DCC: variants seen among roughly 807,000 people sequenced by gnomAD.
DCC encodes netrin receptor DCC.
A neutral mutation model predicts 172.5 loss-of-function variants in DCC; 58 were observed. That is an observed-to-expected ratio of 0.34 (90% CI 0.27 to 0.42). The LOEUF (loss-of-function observed/expected upper bound fraction) is 0.42. Ranked by LOEUF, DCC falls within the 10% of genes least tolerant of loss-of-function variation. The pLI is 1.00. For synonymous variants in DCC, 709 were observed against 644.5 expected, an observed-to-expected ratio of 1.10 and a Z score of -1.52; for missense variants, 1,740 against 1,791.0, an observed-to-expected ratio of 0.97 and a Z score of 0.51.
chr18:53,339,206 G>A (rs542518127), intron 14 of DCC, among the ~76,000 whole-genome samples: 1 of 152,290 alleles, frequency 6.6e-6, no homozygotes, highest in African/African-American at 2.4e-5. Flanking sequence ...AATAAACCAT[G>A]AATCAAGTAC....
Position 52,962,096 on chromosome 18 carries a change from A to G in DCC, c.985+36726A>G, listed in dbSNP as rs569007012. ...CCAAAAGCAATGGCAACAAAAGCCA[A>G]AATTGACAAATGGGATCTAATTAAA... On this transcript the variant is annotated intron_variant, in intron 5 of 28. Transcript: ENST00000442544. Among the ~76,000 whole-genome samples the G allele has an allele frequency of 5.6e-3, 850 of 150,514 alleles. 8 individuals carry two copies. Among genetic ancestry groups the G allele is most frequent in the African/African-American group, 0.02 (816 of 41,364 alleles).
At chr18:52,792,645 G>T (rs766964667) in intron 2 of DCC, among the ~76,000 whole-genome samples, 4 of 152,104 alleles carry the variant, frequency 2.6e-5, no homozygotes, top group African/African-American at 4.8e-5. Flanking sequence ...TGTGACATCC[G>T]AGTCTTTAAG....
At chr18:53,444,546 C>T (rs1427001466) in intron 22 of DCC, among the ~76,000 whole-genome samples, 3 of 152,170 alleles carry the variant, frequency 2.0e-5, no homozygotes, top group Non-Finnish European at 2.9e-5. Flanking sequence ...CCCCACCCTT[C>T]AGCAATTCCC....
intron 7 of DCC, among the ~76,000 whole-genome samples, chr18:53,151,410 T>G (rs2043993805): frequency 6.6e-6 from 1 of 152,180 alleles, no homozygotes; most frequent in African/African-American, 2.4e-5. Flanking sequence ...AGGTCAAAAC[T>G]CAGGGCTTAA....
intron 13 of DCC, among the ~76,000 whole-genome samples, chr18:53,309,072 C>G (rs908562581): frequency 6.6e-6 from 1 of 152,050 alleles, no homozygotes; most frequent in South Asian, 2.1e-4. Flanking sequence ...GGGTTTTGCT[C>G]TCTTACCCAG....
intron 2 of DCC, among the ~76,000 whole-genome samples, chr18:52,857,402 A>T (rs1474600573): frequency 1.3e-5 from 2 of 152,186 alleles, no homozygotes; most frequent in Non-Finnish European, 2.9e-5. Flanking sequence ...TAGGGAAAAA[A>T]AGTTTCATTT....
intron 5 of DCC, among the ~76,000 whole-genome samples, chr18:52,976,511 T>C (rs2041121160): frequency 6.6e-6 from 1 of 152,216 alleles, no homozygotes. Context: ...AAAGGCTCTA[T>C]CCACAAATGC....
intron 5 of DCC, among the ~76,000 whole-genome samples, chr18:52,975,286 G>T (rs900566496): frequency 5.9e-5 from 9 of 152,176 alleles, no homozygotes; most frequent in African/African-American, 2.2e-4. Context: ...TCTTCACAGG[G>T]AAGAGAGAGA....
chr18:53,484,931 C>T (rs1250186517), intron 25 of DCC, among the ~76,000 whole-genome samples: 1 of 151,970 alleles, frequency 6.6e-6, no homozygotes, highest in Middle Eastern at 3.4e-3. Context: ...TGAAATAATA[C>T]ATATATAAGC....
At chr18:53,280,193 C>G (rs955126010) in intron 12 of DCC, among the ~76,000 whole-genome samples, 13 of 152,104 alleles carry the variant, frequency 8.5e-5, no homozygotes, top group African/African-American at 3.1e-4. Context: ...AGCACAAGGT[C>G]TAGCACAAGT....
chr18:53,088,170 T>C (rs1599118294), intron 7 of DCC, among the ~76,000 whole-genome samples: 2 of 152,346 alleles, frequency 1.3e-5, no homozygotes, highest in East Asian at 3.9e-4. Context: ...GGGCATGGCA[T>C]TGAATCTATA....
chr18:52,348,025 A>T (rs961625859), intron 1 of DCC, among the ~76,000 whole-genome samples: 1 of 152,166 alleles, frequency 6.6e-6, no homozygotes, highest in Non-Finnish European at 1.5e-5. Context: ...CCACATATGT[A>T]TACATCTTTA....
At chr18:52,570,097 T>C (rs1178732245) in intron 1 of DCC, among the ~76,000 whole-genome samples, 1 of 152,156 alleles carries the variant, frequency 6.6e-6, no homozygotes, top group Non-Finnish European at 1.5e-5. Flanking sequence ...ACATTGGACA[T>C]TATTAATTTA....
rs959513538 is a variant in DCC, at chr18:52,551,236, A to G, written c.92-200818A>G. Among the ~76,000 whole-genome samples, 13 of 152,020 alleles carry G rather than the reference A, an allele frequency of 8.6e-5. 1 individual carries two copies. The highest frequency in any genetic ancestry group is 4.1e-4 in the South Asian group (2 of 4,824). On this transcript the variant is annotated intron_variant, in intron 1 of 28. Coordinates refer to ENST00000442544, the MANE Select transcript of DCC (RefSeq NM_005215.4). ...TGGCAGGCATGTTCTCTTAATTGAA[A>G]TGTCAGCCCTGTTGGGTACGATCTA...
chr18:53,523,906 AAAAG>A (rs2046427279), intron 27 of DCC, among the ~76,000 whole-genome samples: 1 of 152,084 alleles, frequency 6.6e-6, no homozygotes, highest in South Asian at 2.1e-4. Context: ...GTATAAGAAA[AAAAG>A]AAGGGGGAGG....
intron 1 of DCC, among the ~76,000 whole-genome samples, chr18:52,509,346 T>C: frequency 6.6e-6 from 1 of 152,316 alleles, no homozygotes; most frequent in African/African-American, 2.4e-5. Context: ...TATTTTCACT[T>C]GTTTCCCTTT....
intron 1 of DCC, among the ~76,000 whole-genome samples, chr18:52,618,590 T>G (rs2144855010): frequency 6.6e-6 from 1 of 152,324 alleles, no homozygotes; most frequent in Admixed American, 6.5e-5. Flanking sequence ...CCTCCAACAT[T>G]ACTCAAATGA....
At position 53,534,433 on chromosome 18, in the gene DCC, A is replaced by G. The variant is rs192975472; in HGVS notation, c.*3780A>G. The G allele has an allele frequency of 3.4e-4, 52 of 152,338 alleles. No individual in the cohort carries two copies. Among genetic ancestry groups the G allele is most frequent in the Non-Finnish European group, 1.9e-4 (13 of 68,028 alleles). 9.4% of individuals were successfully genotyped at this position (152,338 alleles called of 1,614,324 possible). A position where few individuals can be genotyped will look rare whatever the true frequency, so the allele number is the denominator to read the frequency against. ...TTACTATCCTAACCTGCTCATAACC[A>G]TATACTATACAGAGCCCACAACTTT... On this transcript the variant is annotated 3_prime_UTR_variant, in exon 29 of 29. Transcript: ENST00000442544.
chr18:52,377,093 T>C (rs1417032794), intron 1 of DCC, among the ~76,000 whole-genome samples: 1 of 152,214 alleles, frequency 6.6e-6, no homozygotes, highest in Non-Finnish European at 1.5e-5. Context: ...TGCAATGCTC[T>C]TTGAGTGAGC....
Sources: allele counts gnomAD v4.1 joint callset (sites outside exome capture counted in the v4.1 genomes callset), GRCh38; gene constraint gnomAD v4.1.1; transcripts MANE v1.5; gene names NCBI Gene and HGNC (gene_info 2026-07-23, HGNC 2026-07-21).